PHTF2: variants seen among roughly 807,000 people sequenced by gnomAD.
The protein encoded by PHTF2 is protein PHTF2.
Under a neutral mutation model 101.2 loss-of-function variants are expected in PHTF2, and 60 were observed. That is an observed-to-expected ratio of 0.59 (90% CI 0.48 to 0.73). The LOEUF (loss-of-function observed/expected upper bound fraction) is 0.73. Ranked by LOEUF, PHTF2 falls within the 30% of genes least tolerant of loss-of-function variation. PHTF2 has a pLI of 0.00. For synonymous variants in PHTF2, 311 were observed against 307.3 expected, an observed-to-expected ratio of 1.01 and a Z score of -0.13; for missense variants, 747 against 908.7, an observed-to-expected ratio of 0.82 and a Z score of 2.29.
chr7:77,831,287 A>G (rs1455620086), intron 1 of PHTF2, among the ~76,000 whole-genome samples: 1 of 152,250 alleles, frequency 6.6e-6, no homozygotes. Context: ...CACTTCATCA[A>G]GTGTGTCTGC....
At chr7:77,919,862 C>A (rs185631744) in intron 9 of PHTF2, among the ~76,000 whole-genome samples, 9 of 152,118 alleles carry the variant, frequency 5.9e-5, no homozygotes, top group African/African-American at 2.2e-4. Context: ...GAGTTGTATA[C>A]TAAAAGGAAT....
At chr7:77,801,909 T>G (rs1210687022) in intron 1 of PHTF2, among the ~76,000 whole-genome samples, 1 of 152,226 alleles carries the variant, frequency 6.6e-6, no homozygotes, top group Non-Finnish European at 1.5e-5. Flanking sequence ...TTAGCATCAG[T>G]TTCCTTATCT....
intron 2 of PHTF2, among the ~76,000 whole-genome samples, chr7:77,847,244 G>A (rs1454556969): frequency 6.6e-6 from 1 of 152,192 alleles, no homozygotes; most frequent in Non-Finnish European, 1.5e-5. Context: ...GCTGGTTATA[G>A]TAGTAGAGAG....
chr7:77,828,621 G>A lies in PHTF2; in HGVS notation c.-35-11600G>A, dbSNP rs548322437. The stretch of plus-strand genomic sequence containing the variant: ...AGGTCAAGAGTTCAAGACCAGCTTG[G>A]CCAACATGGTGAAACCCTAAAAATT... On this transcript the variant is annotated intron_variant, in intron 1 of 19. Coordinates refer to ENST00000416283, the Ensembl canonical transcript of PHTF2. 1.1e-4 allele frequency among the ~76,000 whole-genome samples: 16 copies of A among 152,152 alleles called. 1 individual carries two copies. The South Asian group carries it at 3.3e-3, about 32-fold the overall frequency.
intron 1 of PHTF2, among the ~76,000 whole-genome samples, chr7:77,824,598 G>T (rs1584405815): frequency 6.6e-6 from 1 of 152,234 alleles, no homozygotes; most frequent in Non-Finnish European, 1.5e-5. Flanking sequence ...GCTAATTTTT[G>T]TATTTTAGTA....
chr7:77,910,163 TC>T, intron 8 of PHTF2, 81 bp from the exon 8 acceptor site: 1 of 1,142,980 alleles, frequency 8.7e-7, no homozygotes, highest in Non-Finnish European at 1.2e-6. Context: ...GTTTATGTTT[TC>T]CAAAATTTTG....
intron 11 of PHTF2, among the ~76,000 whole-genome samples, chr7:77,924,978 G>A (rs1293010483): frequency 2.6e-5 from 4 of 152,086 alleles, no homozygotes; most frequent in East Asian, 1.9e-4. Context: ...TGCAGGAGGC[G>A]TCCTAGGGAA....
At chr7:77,944,048 C>T (rs759060048) in intron 16 of PHTF2, among the ~76,000 whole-genome samples, 5 of 152,052 alleles carry the variant, frequency 3.3e-5, no homozygotes, top group African/African-American at 4.8e-5. Context: ...CTCGGGGGAA[C>T]CCTCAGCTTT....
exon 17 of PHTF2, chr7:77,949,759 C>T: frequency 6.5e-7 from 1 of 1,545,782 alleles, no homozygotes; most frequent in East Asian, 2.3e-5. Flanking sequence ...AACACTTTTT[C>T]TCCTAAGATT....
At chr7:77,927,182 A>G (rs1342573488) in intron 11 of PHTF2, among the ~76,000 whole-genome samples, 6 of 68,834 alleles carry the variant, frequency 8.7e-5, no homozygotes, top group African/African-American at 3.2e-4. Flanking sequence ...AAAAAAATAT[A>G]TATATATATA....
At chr7:77,835,047 C>A (rs904911389) in intron 1 of PHTF2, among the ~76,000 whole-genome samples, 1 of 151,870 alleles carries the variant, frequency 6.6e-6, no homozygotes, top group East Asian at 1.9e-4. Context: ...CCGAGGCGGG[C>A]GGATCACCTG....
Position 77,940,526 on chromosome 7 carries a change from A to T in PHTF2, c.1741-2A>T. On this transcript the variant is annotated splice_acceptor_variant, in intron 14 of 19. Transcript: ENST00000416283. LOFTEE classifies it high-confidence loss of function. The stretch of plus-strand genomic sequence containing the variant: ...ATTAATCCTCATCTTAATCTTTTTT[A>T]GCGATTACTTTTTGCAAAACTCTTT... 6.3e-7 allele frequency: 1 copy of T among 1,588,660 alleles called. No individual in the cohort carries two copies. The highest frequency in any genetic ancestry group is 8.5e-7 in the Non-Finnish European group (1 of 1,169,718).
intron 1 of PHTF2, among the ~76,000 whole-genome samples, chr7:77,837,009 T>G (rs1157696735): frequency 1.3e-5 from 2 of 151,924 alleles, no homozygotes; most frequent in East Asian, 3.9e-4. Flanking sequence ...GATATTTTGT[T>G]AAGGTGTGAC....
chr7:77,941,965 C>CT (rs1470795770), intron 15 of PHTF2, among the ~76,000 whole-genome samples: 1 of 152,158 alleles, frequency 6.6e-6, no homozygotes, highest in African/African-American at 2.4e-5. Flanking sequence ...ATTCACCTGT[C>CT]TTTTGTTTCA....
chr7:77,800,203 A>G (rs1416177844), intron 1 of PHTF2, among the ~76,000 whole-genome samples: 1 of 152,156 alleles, frequency 6.6e-6, no homozygotes, highest in Non-Finnish European at 1.5e-5. Flanking sequence ...CCTAACTTGG[A>G]TATGGTGTAT....
At chr7:77,836,474 G>A (rs1452514069) in intron 1 of PHTF2, among the ~76,000 whole-genome samples, 1 of 152,136 alleles carries the variant, frequency 6.6e-6, no homozygotes, top group Non-Finnish European at 1.5e-5. Context: ...CACCACCCTG[G>A]TCTTTGGCAT....
At chr7:77,937,737 C>T in exon 13 of PHTF2, 1 of 1,456,142 alleles carries the variant, frequency 6.9e-7, no homozygotes. Context: ...CCATAGTTCC[C>T]ACCCAGGATT....
At chr7:77,879,229 C>T (rs1234777699) in intron 3 of PHTF2, among the ~76,000 whole-genome samples, 2 of 152,140 alleles carry the variant, frequency 1.3e-5, no homozygotes, top group Non-Finnish European at 2.9e-5. Flanking sequence ...TTTATAACTT[C>T]TTAGAGGCAG....
intron 3 of PHTF2, among the ~76,000 whole-genome samples, chr7:77,870,241 C>T (rs1584541895): frequency 6.9e-6 from 1 of 145,312 alleles, no homozygotes; most frequent in African/African-American, 2.7e-5. Flanking sequence ...ATCTTTAATC[C>T]ATTTTGTTTT....
Sources: allele counts gnomAD v4.1 joint callset (sites outside exome capture counted in the v4.1 genomes callset), GRCh38; gene constraint gnomAD v4.1.1; transcripts MANE v1.5; gene names NCBI Gene and HGNC (gene_info 2026-07-23, HGNC 2026-07-21).